Variants in GLS observed in about 807,000 individuals in gnomAD.
GLS encodes glutaminase kidney isoform, mitochondrial.
In GLS, 36 loss-of-function variants were observed where a neutral mutation model predicts 86.7. That is an observed-to-expected ratio of 0.42 (90% CI 0.32 to 0.55). GLS has a LOEUF of 0.55. Among genes scored for constraint, GLS ranks in the 20% least tolerant of loss-of-function variants. The pLI, the probability that GLS is intolerant of heterozygous loss-of-function variation, is 0.17. For synonymous variants in GLS, 317 were observed against 305.9 expected (o/e 1.04, Z -0.38); for missense variants, 528 against 833.4 (o/e 0.63, Z 4.51).
intron 5 of GLS, among the ~76,000 whole-genome samples, chr2:190,903,875 A>G (rs902851319): frequency 1.7e-4 from 26 of 152,322 alleles, no homozygotes; most frequent in Middle Eastern, 3.4e-3. Flanking sequence ...GACTTTCACT[A>G]TGAATGAATG....
At position 190,935,351 on chromosome 2, in the gene GLS, G is replaced by T. The variant is rs1231226945; in HGVS notation, c.1650+3714G>T. 5.3e-6 allele frequency: 1 copy of T among 187,600 alleles called. No individual in the cohort carries two copies. Among genetic ancestry groups the T allele is most frequent in the African/African-American group, 2.4e-5 (1 of 41,966 alleles). The allele number at this position is 187,600 out of a possible 1,614,324, so 11.6% of individuals were successfully genotyped here. A position where few individuals can be genotyped will look rare whatever the true frequency, so the allele number is the denominator to read the frequency against. ...TATAAAAGCAACTTCAACATTTTAA[G>T]TACAAATACAGTTGGGATTTTAACT... On this transcript the variant is annotated intron_variant, in intron 14 of 17. Coordinates refer to ENST00000320717, the MANE Select transcript of GLS (RefSeq NM_014905.5). This position sits in a 1 kb window ranked among gnomAD's most constrained non-coding sequence, Gnocchi z 4.2.
chr2:190,957,716 T>C (rs907702259), intron 17 of GLS, among the ~76,000 whole-genome samples: 1 of 152,236 alleles, frequency 6.6e-6, no homozygotes, highest in Non-Finnish European at 1.5e-5. Context: ...CGTGTATCGA[T>C]TTGCATATGT....
chr2:190,928,965 C>T (rs1235418281), intron 12 of GLS, among the ~76,000 whole-genome samples: 4 of 76,122 alleles, frequency 5.3e-5, no homozygotes, highest in African/African-American at 1.9e-4. Context: ...TATTGGTATA[C>T]TTCTTTTATT....
intron 14 of GLS, among the ~76,000 whole-genome samples, chr2:190,936,506 A>G (rs755044268): frequency 6.6e-6 from 1 of 151,036 alleles, no homozygotes; most frequent in Non-Finnish European, 1.5e-5. Context: ...ACACAAAAGA[A>G]CCCCTAAAAT....
At chr2:190,932,082 GA>G (rs1164190877) in intron 14 of GLS, among the ~76,000 whole-genome samples, 5 of 151,908 alleles carry the variant, frequency 3.3e-5, no homozygotes, top group Non-Finnish European at 7.4e-5. Flanking sequence ...TATGTAAATG[GA>G]AAAGGATTAT....
At chr2:190,952,634 G>A (rs1215874501) in intron 14 of GLS, among the ~76,000 whole-genome samples, 1 of 152,150 alleles carries the variant, frequency 6.6e-6, no homozygotes, top group Non-Finnish European at 1.5e-5. Flanking sequence ...CTTTGTTGGT[G>A]GAGAGCTGGG....
chr2:190,905,312 A>G lies in GLS; in HGVS notation c.979+145A>G. The stretch of plus-strand genomic sequence containing the variant: ...ATCCATTGAGAGAGTTTCATCACCT[A>G]CTTTTAAAAATGATTATTTTAGGCA... On this transcript the variant is annotated intron_variant, in intron 6 of 17. Coordinates refer to ENST00000320717, the MANE Select transcript of GLS (RefSeq NM_014905.5). The surrounding 1 kb of genome is among the most constrained non-coding windows in gnomAD (Gnocchi z 4.6). The G allele has an allele frequency of 1.7e-6, 1 of 580,994 alleles. No homozygotes were observed. The highest frequency in any genetic ancestry group is 3.0e-6 in the Non-Finnish European group (1 of 334,190). The allele number at this position is 580,994 out of a possible 1,614,324, so 36.0% of individuals were successfully genotyped here. A position where few individuals can be genotyped will look rare whatever the true frequency, so the allele number is the denominator to read the frequency against.
In GLS at chr2:190,943,122, G is replaced by T. The variant is rs1424420186; in HGVS notation, c.1651-10443G>T. Among the ~76,000 whole-genome samples, 1 of 152,132 alleles carries T rather than the reference G, an allele frequency of 6.6e-6. No individual in the cohort carries two copies. The highest frequency in any genetic ancestry group is 1.5e-5 in the Non-Finnish European group (1 of 68,016). ...ACAATACTACCTTTAACAAATAGAG[G>T]TTCTGTTAGTATGGAAGGGGTGGGT... is the stretch of plus-strand genomic sequence containing the variant. On this transcript the variant is annotated intron_variant, in intron 14 of 17. Transcript: ENST00000320717. The surrounding 1 kb of genome is among the most constrained non-coding windows in gnomAD (Gnocchi z 4.5).
At chr2:190,899,222 T>C (rs1443807261) in intron 3 of GLS, among the ~76,000 whole-genome samples, 3 of 152,198 alleles carry the variant, frequency 2.0e-5, no homozygotes, top group African/African-American at 7.2e-5. Flanking sequence ...CTTTTGAGAT[T>C]AATATTGAAA....
At chr2:190,918,166 A>G (rs181231189) in intron 7 of GLS, among the ~76,000 whole-genome samples, 1 of 152,216 alleles carries the variant, frequency 6.6e-6, no homozygotes, top group Non-Finnish European at 1.5e-5. Context: ...CCAGACATTA[A>G]CTTCTTTTGG....
chr2:190,946,818 G>C (rs1017337653), intron 14 of GLS, among the ~76,000 whole-genome samples: 2 of 151,982 alleles, frequency 1.3e-5, no homozygotes, highest in African/African-American at 2.4e-5. Context: ...TCTGTGCTTT[G>C]GATAACAATC....
intron 11 of GLS, among the ~76,000 whole-genome samples, chr2:190,926,583 A>G (rs1372917367): frequency 6.6e-6 from 1 of 152,084 alleles, no homozygotes; most frequent in Non-Finnish European, 1.5e-5. Flanking sequence ...ATTTATTTTC[A>G]TTTTATGGGT....
intron 17 of GLS, among the ~76,000 whole-genome samples, chr2:190,961,766 A>G (rs1691009039): frequency 6.6e-6 from 1 of 151,666 alleles, no homozygotes; most frequent in Admixed American, 6.6e-5. Flanking sequence ...GGCTACCAAA[A>G]TTTATCCAAA....
At chr2:190,928,971 T>C (rs1690004922) in intron 12 of GLS, among the ~76,000 whole-genome samples, 1 of 149,996 alleles carries the variant, frequency 6.7e-6, no homozygotes, top group Non-Finnish European at 1.5e-5. Context: ...TATACTTCTT[T>C]TATTTTTGTT....
rs185944124 is a variant in GLS, at chr2:190,931,681, A to G, written c.1650+44A>G. On this transcript the variant is annotated intron_variant, in intron 14 of 17. Transcript: ENST00000320717. ...TAGATAAGTATATAAAATTTTTAAG[A>G]AGAGAAAAAGTGAGATTTGCCTGTA... The G allele has an allele frequency of 2.7e-3, 2,383 of 891,088 alleles. 27 individuals are homozygous for G. Among genetic ancestry groups the G allele is most frequent in the Non-Finnish European group, 1.6e-3 (894 of 559,360 alleles). 55.2% of individuals were successfully genotyped at this position (891,088 alleles called of 1,614,324 possible). A position where few individuals can be genotyped will look rare whatever the true frequency, so the allele number is the denominator to read the frequency against.
intron 3 of GLS, among the ~76,000 whole-genome samples, chr2:190,896,951 T>C (rs1021429524): frequency 1.3e-5 from 2 of 152,180 alleles, no homozygotes; most frequent in African/African-American, 4.8e-5. Context: ...GTGAATGAAG[T>C]TGTTAGAGTA....
chr2:190,945,938 A>AT (rs1170212761), intron 14 of GLS, among the ~76,000 whole-genome samples: 1 of 152,084 alleles, frequency 6.6e-6, no homozygotes, highest in Admixed American at 6.5e-5. Context: ...CCTATAAAAG[A>AT]TTTTTTCCCC....
At chr2:190,888,099 G>A (rs900320331) in intron 1 of GLS, among the ~76,000 whole-genome samples, 2 of 152,102 alleles carry the variant, frequency 1.3e-5, no homozygotes, top group Non-Finnish European at 2.9e-5. Flanking sequence ...GTCTAAAACA[G>A]TAAAAAACAT....
Position 190,924,476 on chromosome 2 carries a change from A to G in GLS, c.1198-67A>G, listed in dbSNP as rs895612669. ...CACTTGTGTACATTTGAAATTTTTC[A>G]TATATTTCTCTACTTATGTGCATTC... On this transcript the variant is annotated intron_variant, in intron 10 of 17. Transcript: ENST00000320717. The surrounding 1 kb of genome is among the most constrained non-coding windows in gnomAD (Gnocchi z 5.2). 6.1e-6 allele frequency: 5 copies of G among 813,356 alleles called. No homozygotes were observed. The highest frequency in any genetic ancestry group is 3.4e-5 in the African/African-American group (2 of 59,462). 50.4% of individuals were successfully genotyped at this position (813,356 alleles called of 1,614,324 possible). A position where few individuals can be genotyped will look rare whatever the true frequency, so the allele number is the denominator to read the frequency against.
Sources: gnomAD v4.1 joint callset for allele counts (sites outside exome capture counted in the v4.1 genomes callset) on GRCh38, gnomAD v4.1.1 for gene constraint, Gnocchi (gnomAD v3.1) non-coding constraint, MANE v1.5 for transcripts, NCBI Gene and HGNC (gene_info 2026-07-23, HGNC 2026-07-21) for gene names.